Variants in IL7 observed in about 807,000 individuals in gnomAD.
IL7 encodes interleukin-7.
Under a neutral mutation model 21.6 loss-of-function variants are expected in IL7, and 3 were observed. The ratio of observed to expected loss-of-function variants is 0.14; its 90% CI spans 0.06 to 0.36. The LOEUF (loss-of-function observed/expected upper bound fraction) is 0.36, where lower values mean the gene tolerates loss of function less well. Ranked by LOEUF, IL7 falls within the 10% of genes least tolerant of loss-of-function variation. The probability of loss-of-function intolerance (pLI) is 1.00; values close to 1 mark genes in which losing one functional copy is unlikely to be tolerated. For missense variants in IL7, 175 were observed against 200.2 expected (o/e 0.87, Z 0.76); for synonymous variants, 62 against 68.1 (o/e 0.91, Z 0.44).
intron 3 of IL7, among the ~76,000 whole-genome samples, chr8:78,693,285 T>C (rs1450935317): frequency 6.6e-6 from 1 of 151,710 alleles, no homozygotes; most frequent in Non-Finnish European, 1.5e-5. Flanking sequence ...TTTCTAGTTC[T>C]AGATCCCTGA....
At chr8:78,788,555 T>C (rs1348514610) in intron 2 of IL7, among the ~76,000 whole-genome samples, 3 of 152,230 alleles carry the variant, frequency 2.0e-5, no homozygotes, top group African/African-American at 7.2e-5. Context: ...ATTTTATTGA[T>C]TTCTACTTCA....
intron 3 of IL7, among the ~76,000 whole-genome samples, chr8:78,696,225 G>A (rs545870105): frequency 2.0e-4 from 30 of 152,120 alleles, no homozygotes; most frequent in South Asian, 8.3e-4. Flanking sequence ...TAGTAGAGAC[G>A]GGGTTTCACT....
At chr8:78,780,968 C>T (rs562504672) in intron 2 of IL7, among the ~76,000 whole-genome samples, 2 of 152,190 alleles carry the variant, frequency 1.3e-5, no homozygotes, top group Non-Finnish European at 2.9e-5. Flanking sequence ...TGAATTGAAC[C>T]CTTTACAATT....
intron 2 of IL7, among the ~76,000 whole-genome samples, chr8:78,742,020 G>A (rs891764179): frequency 6.6e-6 from 1 of 152,068 alleles, no homozygotes; most frequent in African/African-American, 2.4e-5. Flanking sequence ...ATGCAAATAA[G>A]AAACAAATCA....
At chr8:78,716,613 G>A (rs1315367200), downstream of IL7, among the ~76,000 whole-genome samples, 2 of 152,108 alleles carry the variant, frequency 1.3e-5, no homozygotes, top group African/African-American at 2.4e-5. Flanking sequence ...TTTCCTCATG[G>A]TTGGGTTCTC....
chr8:78,729,294 T>C (rs1022399281), downstream of IL7, among the ~76,000 whole-genome samples: 1 of 152,002 alleles, frequency 6.6e-6, no homozygotes, highest in African/African-American at 2.4e-5. Flanking sequence ...GCAGGGACTT[T>C]GTTGTACCTC....
intron 3 of IL7, among the ~76,000 whole-genome samples, chr8:78,695,231 T>C (rs1181168445): frequency 6.6e-6 from 1 of 152,130 alleles, no homozygotes; most frequent in African/African-American, 2.4e-5. Context: ...CTCAGAAAAC[T>C]CAACAATAAA....
chr8:78,680,170 T>A (rs1486072119), intron 4 of IL7, among the ~76,000 whole-genome samples: 2 of 151,942 alleles, frequency 1.3e-5, no homozygotes, highest in African/African-American at 4.8e-5. Flanking sequence ...TCAATGAATA[T>A]TAGTCATCCT....
At chr8:78,721,044 T>G (rs896712179) in exon 5 of IL7, 1 of 152,000 alleles carries the variant, frequency 6.6e-6, no homozygotes, top group African/African-American at 2.4e-5. Flanking sequence ...TTATGTGCTC[T>G]TTCTGGATAT....
Position 78,733,692 on chromosome 8 carries a change from T to A in IL7, c.*21A>T, listed in dbSNP as rs370750442. 1.0e-4 allele frequency: 167 copies of A among 1,593,020 alleles called. No homozygotes were observed. Among genetic ancestry groups the A allele is most frequent in the Non-Finnish European group, 1.4e-4 (161 of 1,172,502 alleles). On this transcript the variant is annotated 3_prime_UTR_variant, in exon 6 of 6. Transcript: ENST00000263851. Reference sequence around the variant, plus strand: ...AGGATGCAGCTAAAGTTCGTGTTTCTATATTGCCACTCCATATTTTTCAGT... The same window carrying A: ...AGGATGCAGCTAAAGTTCGTGTTTCAATATTGCCACTCCATATTTTTCAGT...
intron 2 of IL7, among the ~76,000 whole-genome samples, chr8:78,742,799 G>GT (rs1249017263): frequency 4.0e-5 from 6 of 151,778 alleles, no homozygotes; most frequent in South Asian, 2.1e-4. Context: ...TGTGTCATGG[G>GT]TTTTTTTTGT....
intron 2 of IL7, among the ~76,000 whole-genome samples, chr8:78,785,738 A>T (rs927374063): frequency 2.6e-5 from 4 of 152,050 alleles, no homozygotes; most frequent in African/African-American, 7.2e-5. Context: ...TGTTATTTTC[A>T]TCTTAAATTT....
At position 78,738,632 on chromosome 8, in the gene IL7, C is replaced by T. The variant is rs1443102523; in HGVS notation, c.232G>A (p.Gly78Ser). 2.5e-6 allele frequency: 4 copies of T among 1,612,894 alleles called. No homozygotes were observed. Among genetic ancestry groups the T allele is most frequent in the Non-Finnish European group, 3.4e-6 (4 of 1,179,422 alleles). The change falls in exon 4 of 6, where the codon GGT becomes AGT. Residue 78 changes from glycine to serine, a missense_variant. Gly to Ser is a moderately conservative substitution (Grantham distance 56). Transcript: ENST00000263851. ...KRHICDANKE[G>S]MFLFRAARKL... ...CGAGCAGCACGGAATAAAAACATAC[C>T]TTCCTATTATAGGAAAAAGTCAGAA...
chr8:78,687,860 ATATC>A (rs35866322), intron 3 of IL7, among the ~76,000 whole-genome samples: 62,455 of 115,262 alleles, frequency 0.54, 21,946 homozygotes, highest in South Asian at 0.75. Context: ...TATATAATAT[ATATC>A]TATATAATAA....
At chr8:78,802,048 T>C (rs1814080416) in intron 1 of IL7, among the ~76,000 whole-genome samples, 1 of 152,212 alleles carries the variant, frequency 6.6e-6, no homozygotes, top group Non-Finnish European at 1.5e-5. Flanking sequence ...GCTTGTGGGA[T>C]TGCCCTTACT....
At chr8:78,719,549 TTTTA>T (rs1293867625) in intron 5 of IL7, 2 of 151,856 alleles carry the variant, frequency 1.3e-5, no homozygotes, top group East Asian at 1.9e-4. Flanking sequence ...TGTATTTTAT[TTTTA>T]TTTATTTTCA....
At chr8:78,772,932 G>C (rs1283042353) in intron 2 of IL7, among the ~76,000 whole-genome samples, 1 of 152,076 alleles carries the variant, frequency 6.6e-6, no homozygotes, top group Non-Finnish European at 1.5e-5. Context: ...AACAAGTAAG[G>C]CTGACTCACA....
Position 78,710,136 on chromosome 8 carries a change from TTA to T in IL7, n.214+11210_214+11211del, listed in dbSNP as rs1418669706. 3.9e-5 allele frequency among the ~76,000 whole-genome samples: 6 copies of T among 152,312 alleles called. No individual in the cohort carries two copies. In the East Asian group the frequency reaches 1.2e-3, roughly 29 times the overall value. The stretch of plus-strand genomic sequence containing the variant: ...AGTATTTTGAAGGCCTGTGAAAGTA[TTA>T]TATGTATAAAATCTTGATTGTTATT... On this transcript the variant is annotated intron_variant and non_coding_transcript_variant, in intron 3 of 4. Coordinates refer to the IL7 transcript ENST00000523959.
At chr8:78,717,156 T>G (rs1336562522), downstream of IL7, among the ~76,000 whole-genome samples, 1 of 152,008 alleles carries the variant, frequency 6.6e-6, no homozygotes, top group East Asian at 1.9e-4. Flanking sequence ...TAAAAAAAAA[T>G]GTTAGAATTT....
Sources: allele counts gnomAD v4.1 joint callset (sites outside exome capture counted in the v4.1 genomes callset), GRCh38; gene constraint gnomAD v4.1.1; transcripts MANE v1.5; gene names NCBI Gene and HGNC (gene_info 2026-07-23, HGNC 2026-07-21).